Variants in RBFOX1 observed in about 807,000 individuals in gnomAD.
RBFOX1 encodes RNA binding protein fox-1 homolog 1.
In RBFOX1, 8 loss-of-function variants were observed where a neutral mutation model predicts 57.7. The ratio of observed to expected loss-of-function variants is 0.14; its 90% CI spans 0.08 to 0.25. The LOEUF is 0.25. Ranked by LOEUF, RBFOX1 falls within the 10% of genes least tolerant of loss-of-function variation. The pLI is 1.00. For synonymous variants in RBFOX1, 326 were observed against 222.4 expected (o/e 1.47, Z -4.15); for missense variants, 611 against 548.5 (o/e 1.11, Z -1.14).
chr16:5,657,041 T>G (rs2049454551), intron 3 of RBFOX1, among the ~76,000 whole-genome samples: 1 of 152,174 alleles, frequency 6.6e-6, no homozygotes, highest in South Asian at 2.1e-4. Context: ...ATGGCACATG[T>G]ATACCTGTGT....
chr16:7,549,998 T>C (rs994573643), intron 5 of RBFOX1, among the ~76,000 whole-genome samples: 1 of 152,122 alleles, frequency 6.6e-6, no homozygotes, highest in Non-Finnish European at 1.5e-5. Flanking sequence ...GGTGTGATCA[T>C]AGCTCACTGC....
intron 5 of RBFOX1, among the ~76,000 whole-genome samples, chr16:7,553,699 C>G (rs138943164): frequency 6.6e-6 from 1 of 152,310 alleles, no homozygotes; most frequent in Non-Finnish European, 1.5e-5. Flanking sequence ...TAACCCCCAG[C>G]TACAAGGGAG....
Position 6,393,813 on chromosome 16 carries a change from G to T in RBFOX1, c.-64+76756G>T, listed in dbSNP as rs566781126. On this transcript the variant is annotated intron_variant, in intron 2 of 15. Coordinates refer to ENST00000550418, the MANE Select transcript of RBFOX1 (RefSeq NM_018723.4). Reference sequence around the variant, plus strand: ...TATGGGTGACCAATTAATTCATCATGTCATCTGGATGACTGTTGAAAGCAA... The same window carrying T: ...TATGGGTGACCAATTAATTCATCATTTCATCTGGATGACTGTTGAAAGCAA... Among the ~76,000 whole-genome samples, 8 of 152,212 alleles carry T rather than the reference G, an allele frequency of 5.3e-5. No individual in the cohort carries two copies. The South Asian group carries it at 1.7e-3, about 32-fold the overall frequency.
chr16:6,305,354 G>A (rs189485181), intron 1 of RBFOX1, among the ~76,000 whole-genome samples: 1 of 152,286 alleles, frequency 6.6e-6, no homozygotes, highest in Non-Finnish European at 1.5e-5. Context: ...GTGCAATGCT[G>A]CATGCAAATT....
intron 4 of RBFOX1, among the ~76,000 whole-genome samples, chr16:5,937,261 A>G (rs543390142): frequency 1.3e-5 from 2 of 152,290 alleles, no homozygotes; most frequent in South Asian, 4.1e-4. Flanking sequence ...GATTTACAGG[A>G]GCAAAGGCAT....
At chr16:5,776,273 C>A (rs1464161209) in intron 3 of RBFOX1, among the ~76,000 whole-genome samples, 1 of 152,218 alleles carries the variant, frequency 6.6e-6, no homozygotes, top group African/African-American at 2.4e-5. Flanking sequence ...CTGCAGTACC[C>A]CATTCTGGGG....
intron 1 of RBFOX1, among the ~76,000 whole-genome samples, chr16:6,146,827 G>A (rs1399594249): frequency 6.6e-6 from 1 of 152,146 alleles, no homozygotes. Flanking sequence ...TTTAAGTGGC[G>A]ATTCAAGCTC....
chr16:7,529,237 A>G (rs543040398), intron 5 of RBFOX1, among the ~76,000 whole-genome samples: 4 of 152,176 alleles, frequency 2.6e-5, no homozygotes, highest in Admixed American at 2.6e-4. Context: ...CTCCACCCTG[A>G]GTGACAGAAT....
intron 3 of RBFOX1, among the ~76,000 whole-genome samples, chr16:5,618,074 G>C (rs1043334237): frequency 6.6e-6 from 1 of 152,116 alleles, no homozygotes; most frequent in Non-Finnish European, 1.5e-5. Context: ...TTACATCTGT[G>C]TATCTCTGGA....
At chr16:7,111,696 A>C (rs1242826284) in intron 4 of RBFOX1, among the ~76,000 whole-genome samples, 1 of 152,162 alleles carries the variant, frequency 6.6e-6, no homozygotes, top group Non-Finnish European at 1.5e-5. Flanking sequence ...CTTCTGGGGA[A>C]GATGAGGTTA....
At chr16:7,003,558 A>C (rs937828675) in intron 3 of RBFOX1, among the ~76,000 whole-genome samples, 4 of 152,308 alleles carry the variant, frequency 2.6e-5, no homozygotes. Context: ...TAAAAATAAA[A>C]TAAAACCAGA....
At chr16:6,401,539 T>C (rs1213058572) in intron 2 of RBFOX1, among the ~76,000 whole-genome samples, 5 of 152,150 alleles carry the variant, frequency 3.3e-5, no homozygotes, top group Non-Finnish European at 7.3e-5. Flanking sequence ...GGACTTTGGA[T>C]CATTAGGGGA....
At chr16:6,954,076 C>A (rs150017758) in intron 3 of RBFOX1, among the ~76,000 whole-genome samples, 2 of 152,056 alleles carry the variant, frequency 1.3e-5, no homozygotes, top group East Asian at 1.9e-4. Context: ...GTCAACAAGG[C>A]GGTAATAAAG....
chr16:5,837,236 C>T lies in RBFOX1; in HGVS notation c.319-30067C>T, dbSNP rs571195902. 6.2e-4 allele frequency among the ~76,000 whole-genome samples: 94 copies of T among 151,670 alleles called. 1 individual carries two copies. Among genetic ancestry groups the T allele is most frequent in the African/African-American group, 1.9e-3 (78 of 41,220 alleles). On this transcript the variant is annotated intron_variant, in intron 3 of 19. Transcript: ENST00000641259. ...GCACACGCTCTCTATATTCCAGTCC[C>T]GCTAGACTTTTCTCAGTTTTTTTTT...
intron 4 of RBFOX1, among the ~76,000 whole-genome samples, chr16:6,007,422 G>A (rs937423091): frequency 2.0e-5 from 3 of 152,162 alleles, no homozygotes; most frequent in African/African-American, 7.2e-5. Flanking sequence ...TCACATGACT[G>A]AGCAGGCAGC....
intron 4 of RBFOX1, among the ~76,000 whole-genome samples, chr16:7,287,191 C>G (rs1293234435): frequency 6.6e-6 from 1 of 152,134 alleles, no homozygotes; most frequent in Non-Finnish European, 1.5e-5. Flanking sequence ...GAGGAAAGTG[C>G]AGGTCTTGAT....
At chr16:7,354,428 CAG>C (rs1287356676) in intron 4 of RBFOX1, among the ~76,000 whole-genome samples, 1 of 152,098 alleles carries the variant, frequency 6.6e-6, no homozygotes, top group Non-Finnish European at 1.5e-5. Flanking sequence ...GGAAATAAAA[CAG>C]AGGTTGGAAA....
intron 2 of RBFOX1, among the ~76,000 whole-genome samples, chr16:6,505,928 G>C (rs559143895): frequency 5.3e-5 from 8 of 152,330 alleles, no homozygotes; most frequent in African/African-American, 1.7e-4. Context: ...ATACAGTTGA[G>C]TGGGGTCAGG....
intron 3 of RBFOX1, among the ~76,000 whole-genome samples, chr16:6,999,267 G>T (rs1183361413): frequency 7.1e-6 from 1 of 140,516 alleles, no homozygotes; most frequent in Non-Finnish European, 1.5e-5. Context: ...TTGTTGATCA[G>T]GCTGGTCCTG....
Sources: allele counts gnomAD v4.1 joint callset (sites outside exome capture counted in the v4.1 genomes callset), GRCh38; gene constraint gnomAD v4.1.1; transcripts MANE v1.5; gene names NCBI Gene and HGNC (gene_info 2026-07-23, HGNC 2026-07-21).